Variants in CRCP observed in about 807,000 individuals in gnomAD.
CRCP encodes DNA-directed RNA polymerase III subunit RPC9.
A neutral mutation model predicts 18.5 loss-of-function variants in CRCP; 18 were observed. The observed-to-expected ratio is 0.97, with a 90% CI of 0.67 to 1.44. The LOEUF is 1.44. Ranked by LOEUF, CRCP falls within the 40% of genes most tolerant of loss-of-function variation. The pLI is 0.00. For synonymous variants in CRCP, 53 were observed against 62.9 expected (o/e 0.84, Z 0.75); for missense variants, 130 against 176.4 (o/e 0.74, Z 1.49).
At chr7:66,134,050 G>A (rs1234965449) in intron 3 of CRCP, among the ~76,000 whole-genome samples, 2 of 151,454 alleles carry the variant, frequency 1.3e-5, no homozygotes, top group African/African-American at 4.8e-5. Flanking sequence ...GGTAGAGATG[G>A]GGTTTCACCA....
intron 4 of CRCP, 77 bp downstream of exon 4, chr7:66,134,451 T>C (rs1190827628): frequency 1.9e-5 from 20 of 1,069,478 alleles, no homozygotes; most frequent in Non-Finnish European, 2.8e-6. Flanking sequence ...AACCGTGTAT[T>C]GATATTCGGC....
At chr7:66,123,016 C>T (rs1397371397) in intron 1 of CRCP, among the ~76,000 whole-genome samples, 1 of 151,028 alleles carries the variant, frequency 6.6e-6, no homozygotes, top group Non-Finnish European at 1.5e-5. Context: ...GTGCAGTAGC[C>T]CCATCTCGGC....
chr7:66,149,798 C>T (rs1318513529), intron 5 of CRCP, among the ~76,000 whole-genome samples: 3 of 152,012 alleles, frequency 2.0e-5, no homozygotes, highest in Non-Finnish European at 4.4e-5. Context: ...TACATTATCC[C>T]TCACCCCCAC....
At chr7:66,151,948 G>A (rs150369233) in intron 5 of CRCP, among the ~76,000 whole-genome samples, 210 of 151,602 alleles carry the variant, frequency 1.4e-3, no homozygotes, top group African/African-American at 4.9e-3. Context: ...TCCCAGGCTG[G>A]GGGTTTTCCT....
chr7:66,126,178 G>A (rs1787611745), intron 1 of CRCP, among the ~76,000 whole-genome samples: 1 of 149,306 alleles, frequency 6.7e-6, no homozygotes, highest in Non-Finnish European at 1.5e-5. Context: ...TTTGATTATA[G>A]TGCTGACATC....
At chr7:66,138,870 T>G (rs539408943) in intron 4 of CRCP, among the ~76,000 whole-genome samples, 1 of 98,662 alleles carries the variant, frequency 1.0e-5, no homozygotes, top group South Asian at 2.7e-4. Context: ...TAATGATATA[T>G]TTCAGCTTTT....
chr7:66,120,009 C>G (rs1787387798), intron 1 of CRCP, among the ~76,000 whole-genome samples: 1 of 151,996 alleles, frequency 6.6e-6, no homozygotes, highest in African/African-American at 2.4e-5. Context: ...AGTGAAACCC[C>G]TTCTCTACTA....
chr7:66,124,468 C>G (rs1007809792), intron 1 of CRCP, among the ~76,000 whole-genome samples: 3 of 152,054 alleles, frequency 2.0e-5, no homozygotes, highest in Non-Finnish European at 1.5e-5. Context: ...TTTCCTTTTT[C>G]TCTTTTCTTT....
chr7:66,140,195 G>A (rs1360203602), intron 4 of CRCP, among the ~76,000 whole-genome samples: 6 of 152,166 alleles, frequency 3.9e-5, no homozygotes, highest in Non-Finnish European at 7.4e-5. Context: ...TGGAGTTGGA[G>A]CTGCTTGTGG....
intron 1 of CRCP, among the ~76,000 whole-genome samples, chr7:66,122,515 G>C (rs1028766054): frequency 6.6e-6 from 1 of 151,774 alleles, no homozygotes; most frequent in Admixed American, 6.6e-5. Context: ...ACATCCACTT[G>C]ACTCACCATT....
chr7:66,149,806 C>T (rs1222871574), intron 5 of CRCP, among the ~76,000 whole-genome samples: 1 of 151,996 alleles, frequency 6.6e-6, no homozygotes, highest in Non-Finnish European at 1.5e-5. Flanking sequence ...CCCTCACCCC[C>T]ACCTTTTTTT....
chr7:66,128,672 G>A (rs1787691732), intron 2 of CRCP: 1 of 152,124 alleles, frequency 6.6e-6, no homozygotes. Context: ...TCACCTTTCT[G>A]AATAGTAGAA....
chr7:66,131,062 C>T (rs1271946246), intron 3 of CRCP, among the ~76,000 whole-genome samples: 2 of 152,204 alleles, frequency 1.3e-5, no homozygotes, highest in African/African-American at 4.8e-5. Context: ...GCAAGCTCCA[C>T]CTCCCAGGTT....
chr7:66,127,842 A>C (rs1787661254), intron 2 of CRCP, 102 bp downstream of exon 2: 1 of 1,304,462 alleles, frequency 7.7e-7, no homozygotes, highest in East Asian at 2.3e-5. Flanking sequence ...GGCTGGGTGC[A>C]GTGGTTCACG....
chr7:66,123,977 G>A lies in CRCP; in HGVS notation c.9-3727G>A, dbSNP rs567332434. ...GGAGAATGGCGTGAACCCGGGAGGC[G>A]GAGCTTGCAGTGAGCCGAGATCGCG... On this transcript the variant is annotated intron_variant, in intron 1 of 5. Transcript: ENST00000395326. Among the ~76,000 whole-genome samples the A allele has an allele frequency of 1.1e-4, 16 of 146,102 alleles. No individual in the cohort carries two copies. In the East Asian group the frequency reaches 2.7e-3, roughly 24 times the overall value.
intron 3 of CRCP, 119 bp downstream of exon 3, chr7:66,130,961 TA>T (rs528752150): frequency 1.7e-5 from 11 of 651,168 alleles, no homozygotes; most frequent in Non-Finnish European, 2.8e-5. Context: ...TGTTTTATTC[TA>T]ACCTGATTTT....
intron 1 of CRCP, among the ~76,000 whole-genome samples, chr7:66,125,447 A>C (rs1787591932): frequency 6.7e-6 from 1 of 149,568 alleles, no homozygotes; most frequent in South Asian, 2.1e-4. Context: ...GTGAATATTT[A>C]GCTGGGTTTT....
chr7:66,151,662 A>G (rs2116063398), intron 5 of CRCP, among the ~76,000 whole-genome samples: 1 of 118,104 alleles, frequency 8.5e-6, no homozygotes, highest in South Asian at 3.1e-4. Context: ...CAACCTGTTC[A>G]CCACTTCTCT....
chr7:66,123,674 G>A (rs1276646651), intron 1 of CRCP, among the ~76,000 whole-genome samples: 1 of 151,834 alleles, frequency 6.6e-6, no homozygotes, highest in South Asian at 2.1e-4. Flanking sequence ...CTTGAACTCG[G>A]GAAGTGGAGG....
Sources: allele counts gnomAD v4.1 joint callset (sites outside exome capture counted in the v4.1 genomes callset), GRCh38; gene constraint gnomAD v4.1.1; transcripts MANE v1.5; gene names NCBI Gene and HGNC (gene_info 2026-07-23, HGNC 2026-07-21).